The following AP1G2 variants were observed in gnomAD, a reference collection of about 807,000 sequenced individuals.
The protein encoded by AP1G2 is AP-1 complex subunit gamma-like 2.
In AP1G2, 85 loss-of-function variants were observed where a neutral mutation model predicts 95.8. That is an observed-to-expected ratio of 0.89 (90% CI 0.74 to 1.06). AP1G2 has a LOEUF of 1.06. Among genes scored for constraint, AP1G2 ranks in the 50% least tolerant of loss-of-function variants. The probability of loss-of-function intolerance (pLI) is 0.00; values close to 1 mark genes in which losing one functional copy is unlikely to be tolerated. For missense variants in AP1G2, 967 were observed against 1,005.8 expected (o/e 0.96, Z 0.52); for synonymous variants, 378 against 400.0 (o/e 0.94, Z 0.66).
rs370062131 is a variant in AP1G2, at chr14:23,562,506, G to T, written c.1498C>A (p.Gln500Lys). The T allele has an allele frequency of 1.1e-5, 17 of 1,614,090 alleles. No homozygotes were observed. Among genetic ancestry groups the T allele is most frequent in the Non-Finnish European group, 1.4e-5 (16 of 1,180,032 alleles). The change falls in exon 15 of 22, where the codon CAG (glutamine) becomes AAG (lysine). Residue 500 changes from glutamine to lysine, a missense_variant and splice_region_variant. Gln to Lys is a moderately conservative substitution (Grantham distance 53). Coordinates refer to ENST00000397120, the MANE Select transcript of AP1G2 (RefSeq NM_003917.5). ...AGNCEEIEPL[Q>K]VDEEEVLALL... ...GTGTACCCCCAATGAGGTCTCACCT[G>T]AAGGGGCTCAATCTCCTCGCAGTTC...
rs1344315891 is a variant in AP1G2, at chr14:23,562,601, G to C, written c.1411-8C>G. 2 of 1,612,906 alleles carry C rather than the reference G, an allele frequency of 1.2e-6. No homozygotes were observed. Among genetic ancestry groups the C allele is most frequent in the Admixed American group, 1.7e-5 (1 of 59,926 alleles). ...CACCTGCACCAGTGGTTGCTACATG[G>C]GATAAGAAACTGCTGGGCTGGCCAG... On this transcript the variant is annotated splice_polypyrimidine_tract_variant and splice_region_variant and intron_variant, in intron 14 of 21. Coordinates refer to ENST00000397120, the MANE Select transcript of AP1G2 (RefSeq NM_003917.5).
Position 23,566,658 on chromosome 14 carries a change from G to A in AP1G2, c.233C>T (p.Ser78Phe), listed in dbSNP as rs771332319. ...GCCCACCCTCTTGTCTGTGAATCTG[G>A]AGGAGGCGATCAGTTTCAGGCACTC... ...QMECLKLIAS[S>F]RFTDKRVGYL... The change falls in exon 3 of 22, where the codon TCC becomes TTC. Residue 78 changes from serine (S) to phenylalanine (F), a missense_variant. Ser to Phe is a radical substitution (Grantham distance 155). Transcript: ENST00000397120. 1.6e-5 allele frequency: 26 copies of A among 1,614,074 alleles called. No homozygotes were observed. Among genetic ancestry groups the A allele is most frequent in the Non-Finnish European group, 2.5e-6 (3 of 1,180,040 alleles).
chr14:23,565,505 A>G (rs1271874409), intron 7 of AP1G2, 101 bp downstream of exon 7: 5 of 1,059,594 alleles, frequency 4.7e-6, no homozygotes, highest in African/African-American at 1.6e-5. Flanking sequence ...GCTGCCCAGG[A>G]CACTGAGAGA....
At chr14:23,560,117 C>A in intron 20 of AP1G2, 81 bp from the exon 21 acceptor site, 1 of 1,417,854 alleles carries the variant, frequency 7.1e-7, no homozygotes, top group East Asian at 2.4e-5. Flanking sequence ...GGCTCCACAC[C>A]CTTTTCCTGT....
chr14:23,566,485 C>G, intron 3 of AP1G2, 66 bp from the exon 4 acceptor site: 1 of 1,607,008 alleles, frequency 6.2e-7, no homozygotes, highest in Non-Finnish European at 8.5e-7. Context: ...ATACCCACAA[C>G]AGGCAGTCCC....
At chr14:23,559,895 T>C (rs1883242854) in intron 21 of AP1G2, 43 bp downstream of exon 21, 2 of 1,611,178 alleles carry the variant, frequency 1.2e-6, no homozygotes, top group Non-Finnish European at 1.7e-6. Flanking sequence ...CCACGGCTTC[T>C]TCTATCCCTG....
chr14:23,566,739 C>G lies in AP1G2; in HGVS notation c.205-53G>C, dbSNP rs927574650. 9.4e-6 allele frequency: 15 copies of G among 1,600,536 alleles called. No homozygotes were observed. In the Middle Eastern group the frequency reaches 5.3e-4, roughly 56 times the overall value. ...AGGCAGGGGTGAAACCATAGACACT[C>G]ACATCCCTGTTCCATCTTCCTCTTT... is the stretch of plus-strand genomic sequence containing the variant. On this transcript the variant is annotated intron_variant, in intron 2 of 21. Coordinates refer to ENST00000397120, the MANE Select transcript of AP1G2 (RefSeq NM_003917.5).
Position 23,565,967 on chromosome 14 carries a change from T to G in AP1G2, c.569-75A>C, listed in dbSNP as rs769988012. On this transcript the variant is annotated intron_variant, in intron 5 of 21. Transcript: ENST00000397120. Reference sequence around the variant, plus strand: ...TCTATTGCGTGTGTGCCTGTGTGTGTGCACTACCCTTCTCCTGTGAGCTGG... The same window carrying G: ...TCTATTGCGTGTGTGCCTGTGTGTGGGCACTACCCTTCTCCTGTGAGCTGG... 13 of 1,609,770 alleles carry G rather than the reference T, an allele frequency of 8.1e-6. No homozygotes were observed. The Admixed American group carries it at 1.8e-4, about 23-fold the overall frequency.
chr14:23,566,866 G>T (rs1888292209), intron 2 of AP1G2, 180 bp from the exon 3 acceptor site: 2 of 1,001,470 alleles, frequency 2.0e-6, no homozygotes, highest in Non-Finnish European at 2.9e-6. Flanking sequence ...GGAACTAGGA[G>T]TTGAGGAGGA....
Position 23,564,600 on chromosome 14 carries a change from G to GA in AP1G2, c.882_883insT (p.Leu295SerfsTer28), listed in dbSNP as rs757970013. ...GCAGAGCGGATATCCATGATGGTGA[G>GA]TACTGTCTCAAACAGGACCGCATTT... On this transcript the variant is annotated frameshift_variant, in exon 9 of 22. Transcript: ENST00000397120. LOFTEE classifies it high-confidence loss of function. The GA allele has an allele frequency of 1.6e-5, 26 of 1,613,662 alleles. No homozygotes were observed. Among genetic ancestry groups the GA allele is most frequent in the Non-Finnish European group, 2.2e-5 (26 of 1,180,016 alleles).
rs142556874 is a variant in AP1G2, at chr14:23,565,873, G to C, written c.588C>G (p.Ile196Met). The change falls in exon 6 of 22, where the codon ATC becomes ATG. Residue 196 changes from isoleucine (I) to methionine (M), a missense_variant. Ile to Met is a conservative substitution (Grantham distance 10, BLOSUM62 1). Transcript: ENST00000397120. ...ERHHGILLGT[I>M]TLITELCERS... Reference sequence around the variant, plus strand: ...GTTCGCAGAGCTCCGTGATCAGCGTGATGGTGCCCAGCAGGATGCCTGGGG... The same window carrying C: ...GTTCGCAGAGCTCCGTGATCAGCGTCATGGTGCCCAGCAGGATGCCTGGGG... 3.2e-6 allele frequency: 5 copies of C among 1,584,362 alleles called. No individual in the cohort carries two copies. In the Admixed American group the frequency reaches 6.8e-5, roughly 22 times the overall value.
At chr14:23,563,014 A>AAATAGGTGGCCACCC in intron 14 of AP1G2, 1 of 1,073,340 alleles carries the variant, frequency 9.3e-7, no homozygotes, top group Non-Finnish European at 1.2e-6. Flanking sequence ...TGCCCACCCT[A>AAATAGGTGGCCACCC]TTTAATTAAG....
rs557273538 is a variant in AP1G2 at position 23,565,619 on chromosome 14, T to C, written c.728A>G (p.Asp243Gly). ...STEHSISGVS[D>G]PFLQVQILRL... ...AGGTCACCCCACCTGCAGGAAGGGG[T>C]CGCTGACTCCAGATATGCTGTGTTC... Residue 243 changes from aspartate to glycine, a missense_variant, in exon 7 of 22, where the codon GAC becomes GGC. Physicochemically the swap from Asp to Gly is moderately conservative, Grantham distance 94. Transcript: ENST00000397120. 6.2e-7 allele frequency: 1 copy of C among 1,613,786 alleles called. No individual in the cohort carries two copies. The highest frequency in any genetic ancestry group is 1.1e-5 in the South Asian group (1 of 91,072).
chr14:23,563,940 T>C, intron 11 of AP1G2, 84 bp from the exon 12 acceptor site: 1 of 1,598,014 alleles, frequency 6.3e-7, no homozygotes, highest in Non-Finnish European at 8.5e-7. Context: ...CAGGGACCTG[T>C]CCCCCTTAGT....
In AP1G2 at chr14:23,559,759, G is replaced by A. The variant is rs768123425; in HGVS notation, c.2348C>T (p.Ser783Leu). The A allele has an allele frequency of 7.4e-6, 12 of 1,614,096 alleles. No homozygotes were observed. Among genetic ancestry groups the A allele is most frequent in the East Asian group, 4.5e-5 (2 of 44,880 alleles). ...TGTGAGTGGAGACAGTTACTGCCAC[G>A]ATTCCACAGGCAAGTTGTTCACCTC... ...IFEVNNLPVE[S>L]WQ Residue 783 changes from serine (S) to leucine (L), a missense_variant, in exon 22 of 22, where the codon TCG becomes TTG. By Grantham distance (145) the Ser-to-Leu change is moderately radical (BLOSUM62 -2). Coordinates refer to ENST00000397120, the MANE Select transcript of AP1G2 (RefSeq NM_003917.5).
At chr14:23,566,875 G>T (rs991142136) in intron 2 of AP1G2, 189 bp from the exon 3 acceptor site, 5 of 953,702 alleles carry the variant, frequency 5.2e-6, no homozygotes, top group East Asian at 5.3e-5. Flanking sequence ...AGTTGAGGAG[G>T]ATGGGAGCGG....
chr14:23,566,393 A>C lies in AP1G2; in HGVS notation c.356T>G (p.Val119Gly), dbSNP rs756055614. The stretch of plus-strand genomic sequence containing the variant: ...CAAAGTGCACAAGGCCAGGCCTTGT[A>C]CTGGCTGAATCCCCTGGCTCAGGTC... Reference protein sequence around the residue: ...KNDLSQGIQPVQGLALCTLST... With the variant: ...KNDLSQGIQPGQGLALCTLST... Residue 119 changes from valine (V) to glycine (G), a missense_variant, in exon 4 of 22, where the codon GTA (valine) becomes GGA (glycine). Val to Gly is a moderately radical substitution (Grantham distance 109). Transcript: ENST00000397120. The C allele has an allele frequency of 5.0e-6, 8 of 1,613,902 alleles. No individual in the cohort carries two copies. In the African/African-American group the frequency reaches 9.3e-5, roughly 19 times the overall value.
rs762973287 is a variant in AP1G2 at position 23,562,314 on chromosome 14, G to A, written c.1602C>T (p.Leu534=). The A allele has an allele frequency of 1.7e-5, 27 of 1,614,106 alleles. No individual in the cohort carries two copies. In the African/African-American group the frequency reaches 2.0e-4, roughly 12 times the overall value. The change falls in exon 16 of 22, where the codon CTC becomes CTT. Residue 534 remains leucine (L), a synonymous_variant. Coordinates refer to ENST00000397120, the MANE Select transcript of AP1G2 (RefSeq NM_003917.5). ...RGYALTALMK[L]STRLCGDNNR... ...TGTTGTCCCCACAGAGGCGAGTGCT[G>A]AGCTTCATGAGGGCTGTGAGGGCAT...
rs761025980 is a variant in AP1G2, at chr14:23,565,821, G to A, written c.640C>T (p.Arg214Ter). The A allele has an allele frequency of 2.5e-5, 39 of 1,581,506 alleles. No homozygotes were observed. In the Admixed American group the frequency reaches 2.6e-4, roughly 10 times the overall value. Residue 214 changes from arginine (R) to a stop codon, truncating the protein, a stop_gained, in exon 6 of 22, where the codon CGA (arginine) becomes TGA (stop). Transcript: ENST00000397120. LOFTEE classifies it high-confidence loss of function. ...CTGCCCCTTCACCAGCCCACCTTTCGGAAGTGCCTGAGGGCTGCAGGGCTT... is the reference window on the plus strand; with the variant it reads ...CTGCCCCTTCACCAGCCCACCTTTCAGAAGTGCCTGAGGGCTGCAGGGCTT... ...ERSPAALRHF[R>*]KVVPQLVHIL...
Sources: gnomAD v4.1 joint callset for allele counts on GRCh38, gnomAD v4.1.1 for gene constraint, MANE v1.5 for transcripts, NCBI Gene and HGNC (gene_info 2026-07-23, HGNC 2026-07-21) for gene names.